The following LSAMP variants were observed in gnomAD, a reference collection of about 807,000 sequenced individuals.
The protein encoded by LSAMP is limbic system associated membrane protein, also known as limbic system-associated membrane protein.
LSAMP carries 7 observed loss-of-function variants against 38.6 expected under a neutral mutation model. The observed-to-expected ratio is 0.18, with a 90% CI of 0.10 to 0.34. LSAMP has a LOEUF of 0.34. LSAMP is among the 10% of genes least tolerant of loss of function. LSAMP has a pLI of 1.00. For missense variants in LSAMP, 313 were observed against 420.0 expected (o/e 0.75, Z 2.23); for synonymous variants, 154 against 166.8 (o/e 0.92, Z 0.59).
intron 6 of LSAMP, among the ~76,000 whole-genome samples, chr3:115,818,297 C>T (rs912144365): frequency 6.6e-6 from 1 of 152,112 alleles, no homozygotes; most frequent in African/African-American, 2.4e-5. Context: ...TTTTTAAGAA[C>T]CCCTTAAGGC....
chr3:116,130,570 A>T (rs1304332816), intron 1 of LSAMP, among the ~76,000 whole-genome samples: 1 of 151,828 alleles, frequency 6.6e-6, no homozygotes, highest in Non-Finnish European at 1.5e-5. Context: ...TGTCTACATC[A>T]TTAAGTGTGT....
chr3:115,989,726 C>T (rs1311825078), intron 3 of LSAMP, among the ~76,000 whole-genome samples: 1 of 151,960 alleles, frequency 6.6e-6, no homozygotes, highest in East Asian at 1.9e-4. Flanking sequence ...TGTACTTAGT[C>T]TCCGGAATTA....
rs11379571 is a variant in LSAMP, at chr3:116,235,031, G to GAA, written c.156-148477_156-148476dup. Among the ~76,000 whole-genome samples the GAA allele has an allele frequency of 5.8e-3, 875 of 151,994 alleles. 7 individuals are homozygous for GAA. Among genetic ancestry groups the GAA allele is most frequent in the African/African-American group, 0.02 (827 of 41,450 alleles). ...TTTTATGTAGCATTATATTTCCACA[G>GAA]AAAAAATATTCTAAAAGACATAATT... On this transcript the variant is annotated intron_variant, in intron 1 of 6. Coordinates refer to ENST00000490035, the MANE Select transcript of LSAMP (RefSeq NM_002338.5).
At chr3:116,234,080 A>G (rs189810735) in intron 1 of LSAMP, among the ~76,000 whole-genome samples, 1 of 152,326 alleles carries the variant, frequency 6.6e-6, no homozygotes, top group East Asian at 1.9e-4. Flanking sequence ...TTCAGAAACA[A>G]ATACAGTGAT....
chr3:116,048,531 CAG>C (rs1328108582), intron 2 of LSAMP, among the ~76,000 whole-genome samples: 1 of 152,146 alleles, frequency 6.6e-6, no homozygotes, highest in Non-Finnish European at 1.5e-5. Context: ...GAAATATAAA[CAG>C]AGTCACATGA....
intron 1 of LSAMP, among the ~76,000 whole-genome samples, chr3:116,182,997 A>G (rs1309341112): frequency 6.6e-6 from 1 of 151,850 alleles, no homozygotes; most frequent in Non-Finnish European, 1.5e-5. Context: ...CACCTGCATA[A>G]CATGTAATAA....
intron 1 of LSAMP, among the ~76,000 whole-genome samples, chr3:116,211,674 G>T (rs2046158263): frequency 6.6e-6 from 1 of 152,164 alleles, no homozygotes; most frequent in South Asian, 2.1e-4. Context: ...GCAATATGCT[G>T]ATTTTACATG....
intron 1 of LSAMP, among the ~76,000 whole-genome samples, chr3:116,177,368 T>A (rs567378226): frequency 7.9e-5 from 12 of 152,068 alleles, no homozygotes; most frequent in African/African-American, 2.9e-4. Context: ...CTTGCTGTGG[T>A]GGAAGTTAAT....
chr3:116,258,056 C>T (rs564480507), intron 1 of LSAMP, among the ~76,000 whole-genome samples: 1 of 152,164 alleles, frequency 6.6e-6, no homozygotes, highest in East Asian at 1.9e-4. Flanking sequence ...CCTCATTGAT[C>T]TTAGCTTGTC....
At chr3:115,993,460 A>G (rs1939729346) in intron 3 of LSAMP, among the ~76,000 whole-genome samples, 1 of 152,068 alleles carries the variant, frequency 6.6e-6, no homozygotes, top group Non-Finnish European at 1.5e-5. Context: ...TTGTATGTTC[A>G]GATAATCTTA....
At chr3:115,985,351 T>A (rs1559908684) in intron 3 of LSAMP, among the ~76,000 whole-genome samples, 1 of 152,206 alleles carries the variant, frequency 6.6e-6, no homozygotes, top group Admixed American at 6.5e-5. Flanking sequence ...TGATCTATGA[T>A]ATGAAGCAGC....
chr3:116,008,122 T>C (rs955966452), intron 3 of LSAMP, among the ~76,000 whole-genome samples: 1 of 152,256 alleles, frequency 6.6e-6, no homozygotes, highest in African/African-American at 2.4e-5. Flanking sequence ...TCTGTGGAAC[T>C]TAATAACAAC....
chr3:116,034,395 G>C (rs935438217), intron 2 of LSAMP, among the ~76,000 whole-genome samples: 2 of 152,074 alleles, frequency 1.3e-5, no homozygotes, highest in Non-Finnish European at 2.9e-5. Context: ...CTCCCTGTCT[G>C]TTCCTCTACC....
chr3:116,183,076 C>A (rs923369138), intron 1 of LSAMP, among the ~76,000 whole-genome samples: 1 of 151,764 alleles, frequency 6.6e-6, no homozygotes, highest in African/African-American at 2.4e-5. Context: ...TGACTTTAGG[C>A]ATATGCAGGC....
chr3:115,839,255 TTCTTTCTTTCCTTCC>T (rs1559844610), intron 6 of LSAMP, among the ~76,000 whole-genome samples: 14 of 95,790 alleles, frequency 1.5e-4, no homozygotes, highest in African/African-American at 3.5e-4. Flanking sequence ...CCTTCCTTCC[TTCTTTCTTTCCTTCC>T]TTCCTTCCTT....
At chr3:116,038,840 T>G (rs1941104579) in intron 2 of LSAMP, among the ~76,000 whole-genome samples, 1 of 152,230 alleles carries the variant, frequency 6.6e-6, no homozygotes, top group Non-Finnish European at 1.5e-5. Context: ...TTCCCTTATA[T>G]TGGGTAAGAG....
chr3:116,037,957 G>C (rs889986541), intron 2 of LSAMP, among the ~76,000 whole-genome samples: 1 of 152,100 alleles, frequency 6.6e-6, no homozygotes, highest in African/African-American at 2.4e-5. Flanking sequence ...CATGGTTAAT[G>C]CTTCCTTATA....
At chr3:115,856,579 A>G (rs931442290) in intron 3 of LSAMP, among the ~76,000 whole-genome samples, 2 of 151,828 alleles carry the variant, frequency 1.3e-5, no homozygotes, top group Non-Finnish European at 2.9e-5. Context: ...AGATCGAGCC[A>G]CTGCACTCCA....
At chr3:115,847,448 C>T in intron 4 of LSAMP, among the ~76,000 whole-genome samples, 1 of 152,284 alleles carries the variant, frequency 6.6e-6, no homozygotes, top group South Asian at 2.1e-4. Flanking sequence ...GTAAATACTT[C>T]TCACTGGGGC....
Sources: allele counts gnomAD v4.1 joint callset (sites outside exome capture counted in the v4.1 genomes callset), GRCh38; gene constraint gnomAD v4.1.1; transcripts MANE v1.5; gene names NCBI Gene and HGNC (gene_info 2026-07-23, HGNC 2026-07-21).